The following LARS1 variants were observed in gnomAD, a reference collection of about 807,000 sequenced individuals.
The protein encoded by LARS1 is leucyl-tRNA synthetase 1, also known as leucine--tRNA ligase, cytoplasmic.
LARS1 carries 100 observed loss-of-function variants against 162.8 expected under a neutral mutation model. That is an observed-to-expected ratio of 0.61 (90% CI 0.52 to 0.73). LARS1 has a LOEUF of 0.73. Among genes scored for constraint, LARS1 ranks in the 30% least tolerant of loss-of-function variants. The probability of loss-of-function intolerance (pLI) is 0.00; values close to 1 mark genes in which losing one functional copy is unlikely to be tolerated. For synonymous variants in LARS1, 457 were observed against 462.8 expected (o/e 0.99, Z 0.16); for missense variants, 1,258 against 1,408.9 (o/e 0.89, Z 1.71).
intron 20 of LARS1, 60 bp downstream of exon 20, chr5:146,142,812 G>T: frequency 8.0e-7 from 1 of 1,247,424 alleles, no homozygotes; most frequent in Non-Finnish European, 1.1e-6. Flanking sequence ...GATATTTGAA[G>T]CCACAAGACA....
chr5:146,163,631 A>G (rs1753872897), intron 6 of LARS1, among the ~76,000 whole-genome samples: 1 of 151,890 alleles, frequency 6.6e-6, no homozygotes, highest in African/African-American at 2.4e-5. Context: ...GGTTGCCGTG[A>G]GCCGAGATCA....
In LARS1 at chr5:146,113,836, G is replaced by C; in HGVS notation, c.*270C>G. On this transcript the variant is annotated 3_prime_UTR_variant, in exon 32 of 32. Transcript: ENST00000394434. ...ACTTTTATGTTCATCTTAAAAACCA[G>C]AAACTTCTAGGAAATAGCAACAATT... The C allele has an allele frequency of 2.5e-6, 1 of 399,174 alleles. No homozygotes were observed. The highest frequency in any genetic ancestry group is 4.0e-5 in the Admixed American group (1 of 25,082). The allele number at this position is 399,174 out of a possible 1,614,324, so 24.7% of individuals were successfully genotyped here. A position where few individuals can be genotyped will look rare whatever the true frequency, so the allele number is the denominator to read the frequency against.
chr5:146,149,978 C>G (rs1753202698), intron 14 of LARS1, among the ~76,000 whole-genome samples: 1 of 152,204 alleles, frequency 6.6e-6, no homozygotes, highest in Non-Finnish European at 1.5e-5. Flanking sequence ...ACTTCCACTT[C>G]TTAAGTTTCC....
intron 23 of LARS1, chr5:146,132,275 A>C (rs555072174): frequency 6.6e-6 from 1 of 152,420 alleles, no homozygotes; most frequent in Non-Finnish European, 1.5e-5. Flanking sequence ...ATTGCACTCC[A>C]GCCTGAGTGA....
rs115712197 is a variant in LARS1, at chr5:146,119,579, T to C, written c.3325+792A>G. Among the ~76,000 whole-genome samples, 978 of 152,266 alleles carry C rather than the reference T, an allele frequency of 6.4e-3. 11 individuals are homozygous for C. Among genetic ancestry groups the C allele is most frequent in the African/African-American group, 0.023 (939 of 41,560 alleles). On this transcript the variant is annotated intron_variant, in intron 31 of 31. Coordinates refer to ENST00000394434, the MANE Select transcript of LARS1 (RefSeq NM_020117.11). ...GAATCACAACATTAATTTGTTTTCA[T>C]AGCTCAGAAGAAAAATAAGAGAGAC...
chr5:146,140,180 CTT>C, intron 21 of LARS1, 22 bp downstream of exon 21: 4 of 1,590,480 alleles, frequency 2.5e-6, no homozygotes, highest in Non-Finnish European at 3.4e-6. Context: ...GAATTTTAAA[CTT>C]TTAAGATGCA....
intron 19 of LARS1, 150 bp from the exon 20 acceptor site, chr5:146,143,234 G>A (rs1308808333): frequency 3.5e-6 from 3 of 858,964 alleles, no homozygotes; most frequent in African/African-American, 3.4e-5. Flanking sequence ...TAAGAATGAA[G>A]AATAGATGAT....
chr5:146,135,099 G>A (rs1050343726), intron 22 of LARS1, among the ~76,000 whole-genome samples: 1 of 151,768 alleles, frequency 6.6e-6, no homozygotes, highest in African/African-American at 2.4e-5. Flanking sequence ...CGCCTCCCGG[G>A]TTCAAGCGAT....
intron 15 of LARS1, among the ~76,000 whole-genome samples, chr5:146,147,402 TAA>T (rs773922188): frequency 1.1e-4 from 15 of 139,438 alleles, no homozygotes; most frequent in Admixed American, 1.4e-4. Flanking sequence ...CCTGTCTCTT[TAA>T]AAAAAAAAAA....
In LARS1 at chr5:146,122,597, C is replaced by G; in HGVS notation, c.3097-10G>C. 6.5e-7 allele frequency: 1 copy of G among 1,538,030 alleles called. No individual in the cohort carries two copies. Among genetic ancestry groups the G allele is most frequent in the Non-Finnish European group, 8.9e-7 (1 of 1,120,326 alleles). ...CTTCTATGTGTTCTAGCTAAACAGA[C>G]GGGAAAAAATGGAAGTTATTAGTAT... On this transcript the variant is annotated splice_polypyrimidine_tract_variant and intron_variant, in intron 29 of 31. Coordinates refer to ENST00000394434, the MANE Select transcript of LARS1 (RefSeq NM_020117.11).
chr5:146,121,357 C>T (rs1751810628), intron 30 of LARS1, among the ~76,000 whole-genome samples: 1 of 152,084 alleles, frequency 6.6e-6, no homozygotes, highest in Non-Finnish European at 1.5e-5. Context: ...ATTGCAGTCC[C>T]CTGGACTTTG....
chr5:146,181,865 T>C (rs969990273), intron 1 of LARS1, among the ~76,000 whole-genome samples: 8 of 137,950 alleles, frequency 5.8e-5, no homozygotes, highest in South Asian at 4.6e-4. Flanking sequence ...TTTTTTTTTT[T>C]TTTTTTTTTT....
chr5:146,123,447 T>C (rs1033801607), intron 29 of LARS1, among the ~76,000 whole-genome samples: 3 of 151,964 alleles, frequency 2.0e-5, no homozygotes, highest in Non-Finnish European at 2.9e-5. Context: ...AATTCAGGGA[T>C]GTTCATTTTA....
At chr5:146,171,889 C>A in intron 4 of LARS1, 21 bp downstream of exon 4, 1 of 1,581,254 alleles carries the variant, frequency 6.3e-7, no homozygotes, top group Non-Finnish European at 8.6e-7. Context: ...GAGTAGAAAC[C>A]AATCCTATTA....
At chr5:146,129,146 C>T in intron 25 of LARS1, 28 bp from the exon 26 acceptor site, 1 of 1,550,082 alleles carries the variant, frequency 6.5e-7, no homozygotes, top group Non-Finnish European at 8.7e-7. Context: ...ACAAAAAAAC[C>T]TTCAGTGAGA....
intron 31 of LARS1, among the ~76,000 whole-genome samples, chr5:146,117,821 A>G (rs768831493): frequency 6.6e-6 from 1 of 152,224 alleles, no homozygotes; most frequent in Non-Finnish European, 1.5e-5. Flanking sequence ...AATAAGCTAG[A>G]CACAAAAGGA....
intron 29 of LARS1, 34 bp downstream of exon 29, chr5:146,123,948 G>C (rs755453503): frequency 5.3e-6 from 6 of 1,133,046 alleles, no homozygotes. Context: ...TTTAACTACA[G>C]TTAACTGGTT....
At chr5:146,126,308 T>C in intron 28 of LARS1, 127 bp downstream of exon 28, 2 of 553,222 alleles carry the variant, frequency 3.6e-6, no homozygotes, top group South Asian at 2.8e-5. Flanking sequence ...CTCTCAGTCA[T>C]TGATTGAAAA....
At position 146,132,953 on chromosome 5, in the gene LARS1, A is replaced by C; in HGVS notation, c.2341T>G (p.Trp781Gly). 1.2e-6 allele frequency: 2 copies of C among 1,614,180 alleles called. No homozygotes were observed. The highest frequency in any genetic ancestry group is 1.7e-6 in the Non-Finnish European group (2 of 1,180,016). ...GCAGGACCACTTCTTAGGCTGTCCC[A>C]GTTGGCAACCATTTCTTTCACCCAC... Reference protein sequence around the residue: ...VEWVKEMVANWDSLRSGPAST... With the variant: ...VEWVKEMVANGDSLRSGPAST... The change falls in exon 23 of 32, where the codon TGG (tryptophan) becomes GGG (glycine). Residue 781 changes from tryptophan to glycine, a missense_variant. Physicochemically the swap from Trp to Gly is radical, Grantham distance 184. Transcript: ENST00000394434.
Sources: gnomAD v4.1 joint callset for allele counts (sites outside exome capture counted in the v4.1 genomes callset) on GRCh38, gnomAD v4.1.1 for gene constraint, MANE v1.5 for transcripts, NCBI Gene and HGNC (gene_info 2026-07-23, HGNC 2026-07-21) for gene names.